Variants in KIF13B observed in about 807,000 individuals in gnomAD.
KIF13B encodes kinesin family member 13B.
A neutral mutation model predicts 222.0 loss-of-function variants in KIF13B; 127 were observed. The observed-to-expected ratio is 0.57, with a 90% CI of 0.50 to 0.66. The LOEUF (loss-of-function observed/expected upper bound fraction) is 0.66, where lower values mean the gene tolerates loss of function less well. Ranked by LOEUF, KIF13B falls within the 30% of genes least tolerant of loss-of-function variation. The pLI, the probability that KIF13B is intolerant of heterozygous loss-of-function variation, is 0.00. For synonymous variants in KIF13B, 976 were observed against 919.0 expected (o/e 1.06, Z -1.12); for missense variants, 2,173 against 2,379.0 (o/e 0.91, Z 1.80).
At chr8:29,228,472 A>AAAAAAATATATATATATATAT in intron 2 of KIF13B, among the ~76,000 whole-genome samples, 1 of 117,086 alleles carries the variant, frequency 8.5e-6, no homozygotes, top group African/African-American at 3.3e-5. Flanking sequence ...ATCTTAAAAA[A>AAAAAAATATATATATATATAT]ATATATATAT....
chr8:29,153,910 A>C (rs917638649), intron 14 of KIF13B, among the ~76,000 whole-genome samples: 4 of 152,124 alleles, frequency 2.6e-5, no homozygotes, highest in African/African-American at 9.7e-5. Context: ...AAAGCTATGG[A>C]GCATTTACCT....
intron 13 of KIF13B, 42 bp downstream of exon 13, chr8:29,160,691 T>G (rs775294725): frequency 4.9e-5 from 78 of 1,580,502 alleles, no homozygotes; most frequent in Non-Finnish European, 6.6e-5. Context: ...AATATTGTCC[T>G]ATTTTGTAAC....
chr8:29,137,506 T>C (rs542498722), intron 21 of KIF13B, among the ~76,000 whole-genome samples: 2 of 152,326 alleles, frequency 1.3e-5, no homozygotes, highest in African/African-American at 4.8e-5. Context: ...AGTGAAAACA[T>C]GGAGATGTTA....
At position 29,167,515 on chromosome 8, in the gene KIF13B, T is replaced by C. The variant is rs1812059257; in HGVS notation, c.1016A>G (p.Glu339Gly). 1 of 1,614,050 alleles carries C rather than the reference T, an allele frequency of 6.2e-7. No homozygotes were observed. The highest frequency in any genetic ancestry group is 8.5e-7 in the Non-Finnish European group (1 of 1,179,890). Residue 339 changes from glutamate to glycine, a missense_variant, in exon 11 of 40, where the codon GAA becomes GGA. Glu to Gly is a moderately conservative substitution (Grantham distance 98, BLOSUM62 -2). Around this residue, in one of 2 missense-constraint regions of KIF13B, gnomAD observed 1,480 missense variants for 1,722.8 expected, o/e 0.86. Coordinates refer to ENST00000524189, the MANE Select transcript of KIF13B (RefSeq NM_015254.4). ...TVSPAADNYD[E>G]TLSTLRYADR... ...TGCATACCGCAGAGTTGAGAGGGTT[T>C]CATCATAGTTATCAGCTGCAGGACT...
At chr8:29,212,847 C>A (rs1438753544) in intron 2 of KIF13B, among the ~76,000 whole-genome samples, 1 of 149,212 alleles carries the variant, frequency 6.7e-6, no homozygotes, top group East Asian at 1.9e-4. Context: ...AGATAACACA[C>A]GTACCTGAGG....
At chr8:29,146,917 T>C (rs551332590) in intron 17 of KIF13B, among the ~76,000 whole-genome samples, 155 of 152,274 alleles carry the variant, frequency 1.0e-3, no homozygotes, top group African/African-American at 3.3e-3. Flanking sequence ...AAACTTTAAA[T>C]AGTATGAGGT....
chr8:29,119,157 T>C (rs532617374), intron 29 of KIF13B, among the ~76,000 whole-genome samples, 165 bp from the exon 30 acceptor site: 102 of 152,334 alleles, frequency 6.7e-4, no homozygotes, highest in Non-Finnish European at 1.2e-3. Flanking sequence ...AGTTCACAGA[T>C]CTTCAAGATA....
chr8:29,167,163 T>G lies in KIF13B; in HGVS notation c.1158+210A>C, dbSNP rs1360852971. The stretch of plus-strand genomic sequence containing the variant: ...ATTTTCTCAATTCTATTTGCTCCTG[T>G]TCAATCTTTTTAACATCTGTAAAAC... On this transcript the variant is annotated intron_variant, in intron 11 of 39. Coordinates refer to ENST00000524189, the MANE Select transcript of KIF13B (RefSeq NM_015254.4). 3.9e-5 allele frequency among the ~76,000 whole-genome samples: 6 copies of G among 152,214 alleles called. No individual in the cohort carries two copies. In the East Asian group the frequency reaches 1.2e-3, roughly 29 times the overall value.
chr8:29,118,806 G>T (rs905181529), intron 30 of KIF13B, 62 bp downstream of exon 30: 20 of 1,566,992 alleles, frequency 1.3e-5, no homozygotes, highest in Non-Finnish European at 1.5e-5. Flanking sequence ...GTTTCAAAAA[G>T]CTCGAGGAGA....
intron 1 of KIF13B, among the ~76,000 whole-genome samples, 178 bp from the exon 2 acceptor site, chr8:29,245,617 A>C (rs1943141520): frequency 6.6e-6 from 1 of 152,220 alleles, no homozygotes; most frequent in African/African-American, 2.4e-5. Context: ...CACAGCTAAC[A>C]TCACACTTAA....
At chr8:29,209,479 A>AC in intron 2 of KIF13B, among the ~76,000 whole-genome samples, 1 of 152,326 alleles carries the variant, frequency 6.6e-6, no homozygotes, top group East Asian at 1.9e-4. Context: ...GGAGGTTAGC[A>AC]CAGCAGGCCT....
chr8:29,191,549 A>T (rs1377783762), intron 3 of KIF13B, among the ~76,000 whole-genome samples: 1 of 152,216 alleles, frequency 6.6e-6, no homozygotes, highest in African/African-American at 2.4e-5. Flanking sequence ...TTACTAATTT[A>T]AAAAAAGTTT....
intron 30 of KIF13B, among the ~76,000 whole-genome samples, chr8:29,118,156 T>C (rs1809689649): frequency 6.7e-6 from 1 of 150,128 alleles, no homozygotes. Flanking sequence ...AGACTCCATC[T>C]CAATAAAAAA....
intron 36 of KIF13B, among the ~76,000 whole-genome samples, chr8:29,098,170 C>CAAAA (rs147089450): frequency 7.9e-4 from 24 of 30,240 alleles, no homozygotes; most frequent in East Asian, 1.1e-3. Flanking sequence ...GACTCCATCT[C>CAAAA]AAAAAAAAAA....
intron 32 of KIF13B, 150 bp from the exon 33 acceptor site, chr8:29,110,220 G>A: frequency 1.5e-6 from 1 of 686,034 alleles, no homozygotes; most frequent in Non-Finnish European, 2.4e-6. Flanking sequence ...AGGAAATAAT[G>A]AAAAGGTGAT....
chr8:29,192,822 G>A (rs1813245508), intron 3 of KIF13B, among the ~76,000 whole-genome samples: 1 of 152,030 alleles, frequency 6.6e-6, no homozygotes, highest in African/African-American at 2.4e-5. Flanking sequence ...GAAGAGAAGG[G>A]GGAAAAAAGA....
chr8:29,165,904 T>TTCAATTGTAGATCGAAGTACC (rs1554610883), intron 11 of KIF13B, 132 bp from the exon 12 acceptor site: 9 of 567,974 alleles, frequency 1.6e-5, no homozygotes, highest in South Asian at 9.5e-5. Flanking sequence ...TGACATCTAC[T>TTCAATTGTAGATCGAAGTACC]TCGATTGTAG....
At chr8:29,241,746 G>GTCC (rs1815790807) in intron 2 of KIF13B, among the ~76,000 whole-genome samples, 1 of 148,560 alleles carries the variant, frequency 6.7e-6, no homozygotes. Flanking sequence ...ACATAAGAAT[G>GTCC]TCCTCCATAA....
intron 7 of KIF13B, among the ~76,000 whole-genome samples, chr8:29,181,344 C>T (rs556597049): frequency 2.6e-5 from 4 of 152,180 alleles, no homozygotes; most frequent in Non-Finnish European, 5.9e-5. Context: ...TTCATTCACA[C>T]TTTCAAATGT....
Sources: gnomAD v4.1 joint callset for allele counts (sites outside exome capture counted in the v4.1 genomes callset) on GRCh38, gnomAD v4.1.1 for gene constraint, gnomAD v4.1.1 regional missense constraint, MANE v1.5 for transcripts, NCBI Gene and HGNC (gene_info 2026-07-23, HGNC 2026-07-21) for gene names.